The following UBE2D3 variants were observed in gnomAD, a reference collection of about 807,000 sequenced individuals.
UBE2D3 encodes the protein ubiquitin-conjugating enzyme E2 D3.
A neutral mutation model predicts 22.8 loss-of-function variants in UBE2D3; 2 were observed. That is an observed-to-expected ratio of 0.09 (90% CI 0.04 to 0.28). The LOEUF (loss-of-function observed/expected upper bound fraction) is 0.28, where lower values mean the gene tolerates loss of function less well. UBE2D3 is among the 10% of genes least tolerant of loss of function. UBE2D3 has a pLI of 1.00. For missense variants in UBE2D3, 27 were observed against 182.5 expected (o/e 0.15, Z 4.91); for synonymous variants, 56 against 60.4 (o/e 0.93, Z 0.34).
chr4:102,802,468 C>T (rs955781396), intron 5 of UBE2D3, 93 bp downstream of exon 5: 2 of 1,015,760 alleles, frequency 2.0e-6, no homozygotes, highest in African/African-American at 1.6e-5. Context: ...CATATATATA[C>T]AGCCTACACA....
chr4:102,822,917 C>A (rs1272421187), intron 2 of UBE2D3, among the ~76,000 whole-genome samples: 1 of 152,162 alleles, frequency 6.6e-6, no homozygotes, highest in Non-Finnish European at 1.5e-5. Flanking sequence ...GCCTGGGTAA[C>A]ACAGTGAGAC....
At position 102,848,840 on chromosome 4, in the gene UBE2D3, T is replaced by C. The variant is rs144891393; in HGVS notation, c.-129+19875A>G. 2.0e-5 allele frequency among the ~76,000 whole-genome samples: 3 copies of C among 151,692 alleles called. No homozygotes were observed. In the East Asian group the frequency reaches 5.9e-4, roughly 30 times the overall value. On this transcript the variant is annotated intron_variant, in intron 1 of 7. Transcript: ENST00000338145. ...TCTCAAAAAAAAGTAAACTAAATAT[T>C]GTAAGCCATGGATTACCTGTAGTCT...
In UBE2D3 at chr4:102,797,407, A is replaced by C; in HGVS notation, c.*8T>G. On this transcript the variant is annotated 3_prime_UTR_variant, in exon 8 of 8. Transcript: ENST00000453744. ...TATAATGCAGGTTATTCTGACTTTA[A>C]GGTAGCATCACATGGCATACTTCTG... 6.2e-7 allele frequency: 1 copy of C among 1,602,854 alleles called. No individual in the cohort carries two copies. The highest frequency in any genetic ancestry group is 8.5e-7 in the Non-Finnish European group (1 of 1,173,170).
At chr4:102,826,314 G>T (rs1052288902) in intron 2 of UBE2D3, among the ~76,000 whole-genome samples, 171 bp downstream of exon 2, 1 of 152,120 alleles carries the variant, frequency 6.6e-6, no homozygotes, top group Non-Finnish European at 1.5e-5. Context: ...CCGTTTCCTA[G>T]CTTTAAACTT....
rs1236921562 is a variant in UBE2D3, at chr4:102,868,655, C to G, written c.-129+60G>C. On this transcript the variant is annotated intron_variant, in intron 1 of 7. Coordinates refer to the UBE2D3 transcript ENST00000338145. Reference sequence around the variant, plus strand: ...TATGCAACCCTAGGGCCACAGCACCCAAACTGTAGGGGAAGAGGCGGGGCG... The same window carrying G: ...TATGCAACCCTAGGGCCACAGCACCGAAACTGTAGGGGAAGAGGCGGGGCG... 1.9e-6 allele frequency: 3 copies of G among 1,613,064 alleles called. No individual in the cohort carries two copies. In the African/African-American group the frequency reaches 4.0e-5, roughly 22 times the overall value.
chr4:102,802,627 TG>T lies in UBE2D3; in HGVS notation c.131del (p.Pro44HisfsTer9). On this transcript the variant is annotated frameshift_variant, in exon 5 of 8. Coordinates refer to ENST00000453744, the MANE Select transcript of UBE2D3 (RefSeq NM_181891.3). LOFTEE classifies it high-confidence loss of function. ...TCAAAAAGAATACACCGCCTTGATA[TG>T]GGCTGTCATTCTGTAAAAAGAAAAG... ...QATIMGPNDSPYQGGVFFLTI... is the reference protein window; with the variant it reads ...QATIMGPNDSXYQGGVFFLTI... 1 of 1,595,818 alleles carries T rather than the reference TG, an allele frequency of 6.3e-7. No homozygotes were observed. Among genetic ancestry groups the T allele is most frequent in the South Asian group, 1.1e-5 (1 of 88,080 alleles).
Position 102,809,698 on chromosome 4 carries a change from G to A in UBE2D3, c.94C>T (p.His32Tyr), listed in dbSNP as rs1489054387. ...GGTCCCATAATTGTGGCTTGCCAAT[G>A]AAACACTAGAAAAAGAAAAAAAACT... Reference protein sequence around the residue: ...SAGPVGDDMFHWQATIMGPND... With the variant: ...SAGPVGDDMFYWQATIMGPND... Residue 32 changes from histidine to tyrosine, a missense_variant, in exon 4 of 8, where the codon CAT becomes TAT. By Grantham distance (83) the His-to-Tyr change is moderately conservative (BLOSUM62 2). Transcript: ENST00000453744. 1 of 1,612,002 alleles carries A rather than the reference G, an allele frequency of 6.2e-7. No individual in the cohort carries two copies. Among genetic ancestry groups the A allele is most frequent in the Non-Finnish European group, 8.5e-7 (1 of 1,179,414 alleles).
chr4:102,863,587 G>A (rs536832096), intron 1 of UBE2D3, among the ~76,000 whole-genome samples: 7 of 152,062 alleles, frequency 4.6e-5, no homozygotes, highest in African/African-American at 7.2e-5. Context: ...TCCATCTCCC[G>A]GGTTCAAGTG....
At chr4:102,817,694 T>C (rs72931851) in intron 2 of UBE2D3, among the ~76,000 whole-genome samples, 266 of 152,358 alleles carry the variant, frequency 1.7e-3, no homozygotes, top group African/African-American at 6.2e-3. Context: ...TTTTCCTTAG[T>C]ATTTATTTCC....
chr4:102,800,234 T>A (rs955603238), intron 6 of UBE2D3, among the ~76,000 whole-genome samples: 12 of 151,758 alleles, frequency 7.9e-5, no homozygotes, highest in Admixed American at 4.6e-4. Flanking sequence ...GATTTTTTTT[T>A]AAAAAAAGCA....
At chr4:102,830,588 G>A (rs1560879565), upstream of UBE2D3, among the ~76,000 whole-genome samples, 1 of 152,134 alleles carries the variant, frequency 6.6e-6, no homozygotes, top group Non-Finnish European at 1.5e-5. Context: ...ATTAAAGCTG[G>A]GCTGGTGGCT....
At chr4:102,819,588 C>A (rs927981805) in intron 2 of UBE2D3, 26 of 985,188 alleles carry the variant, frequency 2.6e-5, no homozygotes, top group Non-Finnish European at 2.5e-5. Flanking sequence ...TAAAGCGTAA[C>A]GCCATAAATA....
rs539679028 is a variant in UBE2D3, at chr4:102,826,385, G to T, written c.24+100C>A. The T allele has an allele frequency of 2.0e-5, 29 of 1,426,160 alleles. No homozygotes were observed. In the African/African-American group the frequency reaches 3.4e-4, roughly 17 times the overall value. 88.3% of individuals were successfully genotyped at this position (1,426,160 alleles called of 1,614,324 possible). ...CCCCATGGAAGAAGTGATCCAAGAG[G>T]TATTTTCAGAATTATGCTTCCTTCC... On this transcript the variant is annotated intron_variant, in intron 2 of 7. Transcript: ENST00000453744.
At position 102,802,557 on chromosome 4, in the gene UBE2D3, T is replaced by C; in HGVS notation, c.198+4A>G. 1.2e-6 allele frequency: 2 copies of C among 1,600,106 alleles called. No individual in the cohort carries two copies. Among genetic ancestry groups the C allele is most frequent in the Non-Finnish European group, 1.7e-6 (2 of 1,173,002 alleles). ...ACTAACAGATTTTGAGGGAAAATAC[T>C]TGCCTTAGGTGGTTTGAAGGGGTAG... is the stretch of plus-strand genomic sequence containing the variant. On this transcript the variant is annotated splice_donor_region_variant and intron_variant, in intron 5 of 7. Transcript: ENST00000453744.
intron 1 of UBE2D3, chr4:102,843,697 G>A (rs1331657792): frequency 1.3e-5 from 2 of 152,108 alleles, no homozygotes; most frequent in African/African-American, 4.8e-5. Context: ...GTTTTTCAAG[G>A]TTCATCTTGC....
upstream of UBE2D3, among the ~76,000 whole-genome samples, chr4:102,830,499 A>T (rs1393595984): frequency 6.6e-6 from 1 of 152,218 alleles, no homozygotes; most frequent in African/African-American, 2.4e-5. Flanking sequence ...TGAAGTCCTA[A>T]AAACTTTGTA....
intron 6 of UBE2D3, among the ~76,000 whole-genome samples, chr4:102,800,255 A>G (rs1725943487): frequency 6.6e-6 from 1 of 151,132 alleles, no homozygotes; most frequent in South Asian, 2.1e-4. Context: ...ATAGTATAAA[A>G]AAGACAACAC....
intron 2 of UBE2D3, chr4:102,825,824 C>T (rs2110333087): frequency 4.4e-6 from 2 of 453,524 alleles, no homozygotes; most frequent in East Asian, 7.0e-5. Context: ...TTCCCGGTGT[C>T]CCTCGGATAA....
At position 102,801,443 on chromosome 4, in the gene UBE2D3, GA is replaced by G. The variant is rs1396774593; in HGVS notation, c.304+10del. The G allele has an allele frequency of 6.3e-7, 1 of 1,593,544 alleles. No individual in the cohort carries two copies. The highest frequency in any genetic ancestry group is 2.2e-5 in the East Asian group (1 of 44,578). Reference sequence around the variant, plus strand: ...ACAATGAGAACAGCTTATTTCACTAGAAATATTTACCTTTAGAAATTGTTAA... The same window carrying G: ...ACAATGAGAACAGCTTATTTCACTAGAATATTTACCTTTAGAAATTGTTAA... On this transcript the variant is annotated intron_variant, in intron 6 of 7. Coordinates refer to ENST00000453744, the MANE Select transcript of UBE2D3 (RefSeq NM_181891.3).
Sources: allele counts gnomAD v4.1 joint callset (sites outside exome capture counted in the v4.1 genomes callset), GRCh38; gene constraint gnomAD v4.1.1; transcripts MANE v1.5; gene names NCBI Gene and HGNC (gene_info 2026-07-23, HGNC 2026-07-21).